The following NINL variants were observed in gnomAD, a reference collection of about 807,000 sequenced individuals.
The protein encoded by NINL is ninein-like protein.
In NINL, 153 loss-of-function variants were observed where a neutral mutation model predicts 160.3. The ratio of observed to expected loss-of-function variants is 0.95; its 90% CI spans 0.84 to 1.09. The LOEUF (loss-of-function observed/expected upper bound fraction) is 1.09. NINL is among the 50% of genes least tolerant of loss of function. The pLI is 0.00. For missense variants in NINL, 1,829 were observed against 1,764.0 expected (o/e 1.04, Z -0.66); for synonymous variants, 800 against 734.8 (o/e 1.09, Z -1.43).
intron 13 of NINL, among the ~76,000 whole-genome samples, chr20:25,484,019 C>T (rs1291451579): frequency 6.6e-6 from 1 of 152,162 alleles, no homozygotes; most frequent in East Asian, 1.9e-4. Context: ...GGGGCAGCTG[C>T]CGCCACCATG....
intron 1 of NINL, among the ~76,000 whole-genome samples, chr20:25,578,793 CAAAAAAAAAA>C (rs11344577): frequency 1.3e-5 from 1 of 74,110 alleles, no homozygotes; most frequent in Non-Finnish European, 2.8e-5. Context: ...ACTCCATCTC[CAAAAAAAAAA>C]AAAAAAAAAG....
At chr20:25,514,691 G>A (rs2064131361) in intron 3 of NINL, among the ~76,000 whole-genome samples, 1 of 152,232 alleles carries the variant, frequency 6.6e-6, no homozygotes, top group Non-Finnish European at 1.5e-5. Context: ...TTCATGGGCT[G>A]GAGATAGAGC....
chr20:25,477,179 C>G, intron 16 of NINL, 90 bp from the exon 17 acceptor site: 3 of 1,214,530 alleles, frequency 2.5e-6, no homozygotes, highest in South Asian at 1.5e-5. Context: ...GCAACGGCTG[C>G]GACCTCCTCT....
At chr20:25,572,217 T>C (rs1273900068) in intron 1 of NINL, among the ~76,000 whole-genome samples, 1 of 149,354 alleles carries the variant, frequency 6.7e-6, no homozygotes, top group African/African-American at 2.4e-5. Flanking sequence ...TCTGAGTAGT[T>C]TTTTTTTTTT....
At chr20:25,566,979 CA>C (rs35393155) in intron 1 of NINL, among the ~76,000 whole-genome samples, 73,923 of 150,868 alleles carry the variant, frequency 0.49, 18,792 homozygotes, top group East Asian at 0.98. Context: ...CACAGTGAGA[CA>C]AAAAAAAATC....
intron 1 of NINL, among the ~76,000 whole-genome samples, chr20:25,530,962 A>C (rs906410182): frequency 1.3e-5 from 2 of 152,118 alleles, no homozygotes; most frequent in Non-Finnish European, 2.9e-5. Context: ...TTAGGTGGGC[A>C]TTTCCTCGTC....
rs1179283474 is a variant in NINL at position 25,577,830 on chromosome 20, CTTTTCT to C, written c.-12+7619_-12+7624del. Among the ~76,000 whole-genome samples the C allele has an allele frequency of 1.7e-4, 17 of 97,472 alleles. No homozygotes were observed. In the East Asian group the frequency reaches 3.6e-3, roughly 21 times the overall value. The allele number at this position is 97,472 out of a possible 152,430, so 63.9% of individuals were successfully genotyped here. ...TCATTTTTCTGAAATATTTTCTTTT[CTTTTCT>C]TTTTTTTTTTTTTGAGATGGAGTTT... is the stretch of plus-strand genomic sequence containing the variant. On this transcript the variant is annotated intron_variant, in intron 1 of 23. Coordinates refer to ENST00000278886, the MANE Select transcript of NINL (RefSeq NM_025176.6).
intron 13 of NINL, 112 bp downstream of exon 13, chr20:25,489,132 G>A (rs2063565306): frequency 2.8e-6 from 3 of 1,055,604 alleles, no homozygotes; most frequent in Admixed American, 1.7e-5. Flanking sequence ...AAGCATGGCC[G>A]CAAGCAGAGG....
chr20:25,484,435 T>C (rs1336315994), intron 13 of NINL, among the ~76,000 whole-genome samples: 1 of 152,098 alleles, frequency 6.6e-6, no homozygotes, highest in Admixed American at 6.5e-5. Flanking sequence ...AATGGCAGAT[T>C]GTGGGCAGGT....
chr20:25,581,950 T>C (rs565496473), intron 1 of NINL, among the ~76,000 whole-genome samples: 1 of 152,340 alleles, frequency 6.6e-6, no homozygotes, highest in African/African-American at 2.4e-5. Flanking sequence ...TAATATAAAC[T>C]GCTCAATTAA....
At chr20:25,544,875 G>C (rs1179904063) in intron 1 of NINL, among the ~76,000 whole-genome samples, 1 of 152,236 alleles carries the variant, frequency 6.6e-6, no homozygotes, top group Non-Finnish European at 1.5e-5. Flanking sequence ...TTGACAGGAT[G>C]AATGTTTAAA....
chr20:25,565,508 G>C (rs887634618), intron 1 of NINL, among the ~76,000 whole-genome samples: 1 of 152,080 alleles, frequency 6.6e-6, no homozygotes, highest in African/African-American at 2.4e-5. Context: ...AAAAAACTGA[G>C]ACTCACAGGA....
intron 2 of NINL, among the ~76,000 whole-genome samples, chr20:25,522,028 C>A (rs1180650031): frequency 6.6e-6 from 1 of 152,138 alleles, no homozygotes; most frequent in Non-Finnish European, 1.5e-5. Flanking sequence ...ACCTTGGCCT[C>A]CTGAGTAGGT....
chr20:25,466,705 C>T (rs1402489011), intron 19 of NINL, among the ~76,000 whole-genome samples: 1 of 152,094 alleles, frequency 6.6e-6, no homozygotes, highest in Non-Finnish European at 1.5e-5. Context: ...GAGGCTGAGG[C>T]AGAAGAATTG....
In NINL at chr20:25,513,159, C is replaced by T. The variant is rs370034910; in HGVS notation, c.278-153G>A. Among the ~76,000 whole-genome samples, 29 of 152,232 alleles carry T rather than the reference C, an allele frequency of 1.9e-4. No homozygotes were observed. The East Asian group carries it at 4.8e-3, about 25-fold the overall frequency. Reference sequence around the variant, plus strand: ...GCACACAGAAGCATCTGGAAAGACACGAGAAACAGTGAACAATGGCAATTC... The same window carrying T: ...GCACACAGAAGCATCTGGAAAGACATGAGAAACAGTGAACAATGGCAATTC... On this transcript the variant is annotated intron_variant, in intron 3 of 23. Coordinates refer to ENST00000278886, the MANE Select transcript of NINL (RefSeq NM_025176.6).
At chr20:25,472,547 T>C (rs2063131715) in intron 17 of NINL, among the ~76,000 whole-genome samples, 1 of 148,664 alleles carries the variant, frequency 6.7e-6, no homozygotes. Context: ...CTTTTTTTTT[T>C]TTTTTTCCCT....
chr20:25,501,908 C>G (rs2063875166), intron 7 of NINL, among the ~76,000 whole-genome samples: 2 of 152,338 alleles, frequency 1.3e-5, no homozygotes, highest in African/African-American at 4.8e-5. Context: ...GGACTACAGG[C>G]ATGAGCACTG....
chr20:25,470,259 A>C (rs1387885226), intron 17 of NINL, among the ~76,000 whole-genome samples, 164 bp from the exon 18 acceptor site: 1 of 152,158 alleles, frequency 6.6e-6, no homozygotes, highest in East Asian at 1.9e-4. Flanking sequence ...ACCAGGTGTT[A>C]ACGTCTTACA....
intron 3 of NINL, 65 bp downstream of exon 3, chr20:25,517,688 G>C (rs1260652008): frequency 8.1e-7 from 1 of 1,237,604 alleles, no homozygotes; most frequent in Non-Finnish European, 1.1e-6. Flanking sequence ...TCTTTCATTA[G>C]AATATTACAC....
Sources: allele counts gnomAD v4.1 joint callset (sites outside exome capture counted in the v4.1 genomes callset), GRCh38; gene constraint gnomAD v4.1.1; transcripts MANE v1.5; gene names NCBI Gene and HGNC (gene_info 2026-07-23, HGNC 2026-07-21).